PRKN: variants seen among roughly 807,000 people sequenced by gnomAD.
PRKN encodes the protein parkin RBR E3 ubiquitin protein ligase.
PRKN carries 56 observed loss-of-function variants against 59.5 expected under a neutral mutation model. That is an observed-to-expected ratio of 0.94 (90% CI 0.76 to 1.18). The LOEUF (loss-of-function observed/expected upper bound fraction) is 1.18. Among genes scored for constraint, PRKN ranks in the 50% most tolerant of loss-of-function variants. PRKN has a pLI of 0.00. For missense variants in PRKN, 657 were observed against 596.4 expected (o/e 1.10, Z -1.06); for synonymous variants, 250 against 222.1 (o/e 1.13, Z -1.12).
intron 1 of PRKN, among the ~76,000 whole-genome samples, chr6:162,608,290 G>C (rs1782002959): frequency 1.3e-5 from 2 of 152,184 alleles, no homozygotes; most frequent in African/African-American, 4.8e-5. Context: ...CCAGTGACAG[G>C]GGTTGAAAGC....
chr6:162,359,241 G>A (rs1583436903), intron 2 of PRKN, among the ~76,000 whole-genome samples: 3 of 151,820 alleles, frequency 2.0e-5, no homozygotes, highest in Non-Finnish European at 4.4e-5. Flanking sequence ...TTTGGGAGGT[G>A]ACTGATTGAA....
intron 7 of PRKN, among the ~76,000 whole-genome samples, chr6:161,632,806 G>A (rs1783365018): frequency 6.6e-6 from 1 of 152,114 alleles, no homozygotes; most frequent in African/African-American, 2.4e-5. Flanking sequence ...AAAGGTGGGG[G>A]ATACCCCTTA....
chr6:162,311,630 G>A (rs1204814894), intron 2 of PRKN, among the ~76,000 whole-genome samples: 2 of 151,510 alleles, frequency 1.3e-5, no homozygotes, highest in Admixed American at 6.6e-5. Flanking sequence ...CTACAGGTGC[G>A]TACCACCATG....
intron 4 of PRKN, among the ~76,000 whole-genome samples, chr6:162,111,533 C>T (rs927456782): frequency 6.6e-6 from 1 of 152,100 alleles, no homozygotes; most frequent in Admixed American, 6.6e-5. Context: ...CGGACGTGCA[C>T]ACTCACATAC....
intron 1 of PRKN, among the ~76,000 whole-genome samples, chr6:162,500,180 T>C (rs2128187630): frequency 6.6e-6 from 1 of 151,336 alleles, no homozygotes; most frequent in East Asian, 1.9e-4. Context: ...TTCTTTTTTT[T>C]TTTTTTTTTG....
chr6:161,422,873 C>T (rs182749195), intron 9 of PRKN, among the ~76,000 whole-genome samples: 79 of 152,214 alleles, frequency 5.2e-4, no homozygotes, highest in Non-Finnish European at 1.1e-3. Context: ...AATAAATAAA[C>T]GGGGATGATG....
chr6:162,328,822 A>G (rs1772286680), intron 2 of PRKN, among the ~76,000 whole-genome samples: 1 of 152,148 alleles, frequency 6.6e-6, no homozygotes, highest in African/African-American at 2.4e-5. Flanking sequence ...AAGGCAGCCA[A>G]TGGTCATGCC....
intron 2 of PRKN, among the ~76,000 whole-genome samples, chr6:162,400,175 C>A (rs1171183186): frequency 6.6e-6 from 1 of 151,722 alleles, no homozygotes; most frequent in African/African-American, 2.4e-5. Flanking sequence ...CCACTGCACT[C>A]CAGCCTGGGT....
At chr6:162,630,241 A>C (rs1300523600) in intron 1 of PRKN, among the ~76,000 whole-genome samples, 1 of 152,174 alleles carries the variant, frequency 6.6e-6, no homozygotes. Flanking sequence ...AGGCCCTTTT[A>C]ACTACCAACT....
Position 162,698,377 on chromosome 6 carries a change from T to C in PRKN, c.7+29285A>G, listed in dbSNP as rs963368884. ...ATTTAGGTGGGAGTCACTAGGTGGATTGAAAATCCTTTATAAGGGGACAGT... is the reference window on the plus strand; with the variant it reads ...ATTTAGGTGGGAGTCACTAGGTGGACTGAAAATCCTTTATAAGGGGACAGT... On this transcript the variant is annotated intron_variant, in intron 1 of 11. Transcript: ENST00000366898. Among the ~76,000 whole-genome samples, 12 of 152,200 alleles carry C rather than the reference T, an allele frequency of 7.9e-5. No individual in the cohort carries two copies. In the East Asian group the frequency reaches 9.6e-4, roughly 12 times the overall value.
chr6:162,598,135 T>C (rs974062011), intron 1 of PRKN, among the ~76,000 whole-genome samples: 3 of 152,294 alleles, frequency 2.0e-5, no homozygotes, highest in Admixed American at 6.5e-5. Flanking sequence ...TATTTGTGCA[T>C]CAGCATTTTC....
chr6:162,456,564 C>CA (rs1189018456), intron 1 of PRKN, among the ~76,000 whole-genome samples: 11 of 152,002 alleles, frequency 7.2e-5, no homozygotes, highest in Non-Finnish European at 1.5e-4. Flanking sequence ...ATATTTAAAA[C>CA]AAAAAATAGT....
intron 7 of PRKN, among the ~76,000 whole-genome samples, chr6:161,606,903 T>C (rs988200957): frequency 3.3e-5 from 5 of 152,216 alleles, no homozygotes; most frequent in African/African-American, 1.2e-4. Flanking sequence ...AATGTTCTTT[T>C]CCCAGAGTAG....
chr6:161,689,025 C>G (rs1785670614), intron 7 of PRKN, among the ~76,000 whole-genome samples: 1 of 152,126 alleles, frequency 6.6e-6, no homozygotes, highest in African/African-American at 2.4e-5. Context: ...GAGTGCAAAG[C>G]CTATGAAGAT....
intron 4 of PRKN, among the ~76,000 whole-genome samples, chr6:162,131,466 G>A (rs564600187): frequency 8.5e-5 from 13 of 152,252 alleles, no homozygotes; most frequent in Admixed American, 3.9e-4. Context: ...GTTTATATTA[G>A]TAACTCGATT....
chr6:161,360,164 C>G lies in PRKN; in HGVS notation c.1209G>C (p.Trp403Cys), dbSNP rs1374200676. ...TGATGGTTTCTTTGGAGGCTGCTTC[C>G]CAACGAGCCTGCTCGGCGGCTCTTT... ...VDERAAEQARWEAASKETIKK... is the reference protein window; with the variant it reads ...VDERAAEQARCEAASKETIKK... Residue 403 changes from tryptophan (W) to cysteine (C), a missense_variant, in exon 11 of 12, where the codon TGG becomes TGC. Trp to Cys is a radical substitution (Grantham distance 215). Transcript: ENST00000366898. This position sits in a 1 kb window ranked among gnomAD's most constrained non-coding sequence, Gnocchi z 5.1. 6.2e-7 allele frequency: 1 copy of G among 1,614,148 alleles called. No homozygotes were observed. The highest frequency in any genetic ancestry group is 1.7e-5 in the Admixed American group (1 of 60,022).
chr6:161,583,581 T>C (rs1781422578), intron 7 of PRKN, among the ~76,000 whole-genome samples: 2 of 152,166 alleles, frequency 1.3e-5, no homozygotes, highest in South Asian at 4.1e-4. Flanking sequence ...ATTAAAATAG[T>C]TGAGAAAGGT....
At chr6:161,873,517 G>A (rs529364483) in intron 6 of PRKN, among the ~76,000 whole-genome samples, 4 of 151,876 alleles carry the variant, frequency 2.6e-5, no homozygotes, top group South Asian at 2.1e-4. Flanking sequence ...GAAAATCGCC[G>A]GTAGCATCCA....
At chr6:161,697,484 T>C (rs1786070561) in intron 7 of PRKN, among the ~76,000 whole-genome samples, 1 of 152,166 alleles carries the variant, frequency 6.6e-6, no homozygotes, top group Non-Finnish European at 1.5e-5. Flanking sequence ...AATAAAATAT[T>C]CCAAATGTAA....
Sources: gnomAD v4.1 joint callset for allele counts (sites outside exome capture counted in the v4.1 genomes callset) on GRCh38, gnomAD v4.1.1 for gene constraint, Gnocchi (gnomAD v3.1) non-coding constraint, MANE v1.5 for transcripts, NCBI Gene and HGNC (gene_info 2026-07-23, HGNC 2026-07-21) for gene names.